The following PTPN4 variants were observed in gnomAD, a reference collection of about 807,000 sequenced individuals.
The protein encoded by PTPN4 is tyrosine-protein phosphatase non-receptor type 4.
PTPN4 carries 49 observed loss-of-function variants against 135.5 expected under a neutral mutation model. That is an observed-to-expected ratio of 0.36 (90% CI 0.29 to 0.46). PTPN4 has a LOEUF of 0.46. PTPN4 is among the 20% of genes least tolerant of loss of function. The probability of loss-of-function intolerance (pLI) is 1.00; values close to 1 mark genes in which losing one functional copy is unlikely to be tolerated. For synonymous variants in PTPN4, 333 were observed against 369.9 expected, an observed-to-expected ratio of 0.90 and a Z score of 1.14; for missense variants, 860 against 1,101.0, an observed-to-expected ratio of 0.78 and a Z score of 3.10.
chr2:119,847,313 CACATAT>C (rs1677517443), intron 2 of PTPN4, among the ~76,000 whole-genome samples: 2 of 109,190 alleles, frequency 1.8e-5, no homozygotes, highest in African/African-American at 7.6e-5. Flanking sequence ...CACACACACA[CACATAT>C]ATATATATAT....
chr2:119,759,969 G>A lies in PTPN4; in HGVS notation c.-433G>A, dbSNP rs1472825366. 5.3e-6 allele frequency: 2 copies of A among 374,916 alleles called. No homozygotes were observed. Among genetic ancestry groups the A allele is most frequent in the Non-Finnish European group, 9.5e-6 (2 of 211,470 alleles). 23.2% of individuals were successfully genotyped at this position (374,916 alleles called of 1,614,324 possible). A position where few individuals can be genotyped will look rare whatever the true frequency, so the allele number is the denominator to read the frequency against. The stretch of plus-strand genomic sequence containing the variant: ...CGCGCAGTGCGCTTTTCCGCTCCTC[G>A]CGCCCCACCACCAACATTGTTCTCT... On this transcript the variant is annotated 5_prime_UTR_variant, in exon 1 of 27. Coordinates refer to ENST00000263708, the MANE Select transcript of PTPN4 (RefSeq NM_002830.4).
At chr2:119,848,519 C>T (rs943239636) in intron 2 of PTPN4, among the ~76,000 whole-genome samples, 3 of 151,992 alleles carry the variant, frequency 2.0e-5, no homozygotes, top group African/African-American at 7.2e-5. Context: ...CTTCTCTCCT[C>T]TCCTTCTGGT....
chr2:119,939,157 T>C lies in PTPN4; in HGVS notation c.1355+4199T>C, dbSNP rs553748199. ...TGGGATATATTCCAACAACTTTTAA[T>C]ATATTATCAACAGTTTGTCTGGATA... On this transcript the variant is annotated intron_variant, in intron 15 of 26. Coordinates refer to ENST00000263708, the MANE Select transcript of PTPN4 (RefSeq NM_002830.4). 1.2e-4 allele frequency among the ~76,000 whole-genome samples: 19 copies of C among 152,362 alleles called. No homozygotes were observed. The East Asian group carries it at 3.7e-3, about 29-fold the overall frequency.
chr2:119,908,518 T>C (rs1374465898), intron 10 of PTPN4, among the ~76,000 whole-genome samples: 2 of 152,178 alleles, frequency 1.3e-5, no homozygotes, highest in Non-Finnish European at 2.9e-5. Flanking sequence ...ATAAGACAGC[T>C]AACTTAAGTG....
At chr2:119,825,189 T>C (rs1250929603) in intron 2 of PTPN4, among the ~76,000 whole-genome samples, 1 of 152,220 alleles carries the variant, frequency 6.6e-6, no homozygotes, top group African/African-American at 2.4e-5. Flanking sequence ...TTTAATAGTT[T>C]TGAATAATAT....
chr2:119,831,693 G>C (rs1269461117), intron 2 of PTPN4, among the ~76,000 whole-genome samples: 1 of 152,050 alleles, frequency 6.6e-6, no homozygotes, highest in African/African-American at 2.4e-5. Flanking sequence ...ATTAATGTTT[G>C]CATGGTGAAT....
chr2:119,883,762 A>G (rs1368706364), intron 8 of PTPN4, among the ~76,000 whole-genome samples: 2 of 152,228 alleles, frequency 1.3e-5, no homozygotes, highest in African/African-American at 2.4e-5. Context: ...GAGTTACTGT[A>G]GGTCTTAAAT....
At chr2:119,921,415 T>C (rs894600296) in intron 12 of PTPN4, among the ~76,000 whole-genome samples, 2 of 152,228 alleles carry the variant, frequency 1.3e-5, no homozygotes, top group South Asian at 4.1e-4. Flanking sequence ...TAAACATGTA[T>C]AATTGCCTAA....
In PTPN4 at chr2:119,779,865, C is replaced by G. The variant is rs574251340; in HGVS notation, c.-18+19481C>G. Among the ~76,000 whole-genome samples, 7 of 152,220 alleles carry G rather than the reference C, an allele frequency of 4.6e-5. No homozygotes were observed. In the East Asian group the frequency reaches 1.4e-3, roughly 29 times the overall value. The stretch of plus-strand genomic sequence containing the variant: ...GCTCAAGTGATCCTCCCACCTCAGC[C>G]TTCTGGGTAGTTGGGACCACAGTCA... On this transcript the variant is annotated intron_variant, in intron 1 of 26. Coordinates refer to ENST00000263708, the MANE Select transcript of PTPN4 (RefSeq NM_002830.4).
At chr2:119,911,295 A>G (rs1426771172) in intron 10 of PTPN4, among the ~76,000 whole-genome samples, 35 of 152,188 alleles carry the variant, frequency 2.3e-4, no homozygotes, top group Admixed American at 2.1e-3. Context: ...AAAAATGACA[A>G]TTCATCATGT....
chr2:119,949,083 G>T (rs1345445557), intron 18 of PTPN4, among the ~76,000 whole-genome samples: 1 of 152,116 alleles, frequency 6.6e-6, no homozygotes, highest in Non-Finnish European at 1.5e-5. Context: ...CAAGGATTCA[G>T]AGAATATTCT....
intron 1 of PTPN4, among the ~76,000 whole-genome samples, chr2:119,789,091 C>CTTTTTTT (rs547900319): frequency 7.0e-6 from 1 of 142,674 alleles, no homozygotes. Flanking sequence ...TTTCTTTTTT[C>CTTTTTTT]TTTTTTTTTT....
chr2:119,807,126 G>A (rs1558731919), intron 1 of PTPN4, among the ~76,000 whole-genome samples: 1 of 152,110 alleles, frequency 6.6e-6, no homozygotes, highest in Non-Finnish European at 1.5e-5. Context: ...GAGAAAGCAG[G>A]AAAGATCTAA....
At chr2:119,962,535 TAA>T in intron 23 of PTPN4, 79 bp from the exon 24 acceptor site, 1 of 869,948 alleles carries the variant, frequency 1.1e-6, no homozygotes, top group Non-Finnish European at 1.5e-6. Flanking sequence ...TGAAATTTAT[TAA>T]AAAAACATTT....
At chr2:119,812,562 G>A (rs1676907988) in intron 2 of PTPN4, among the ~76,000 whole-genome samples, 1 of 152,186 alleles carries the variant, frequency 6.6e-6, no homozygotes, top group Non-Finnish European at 1.5e-5. Flanking sequence ...TTTCTCTGCT[G>A]TGGACATAGG....
In PTPN4 at chr2:119,873,169, G is replaced by GT. The variant is rs113550051; in HGVS notation, c.247-4142dup. On this transcript the variant is annotated intron_variant, in intron 3 of 26. Transcript: ENST00000263708. Reference sequence around the variant, plus strand: ...ACCACATCTGGCTAATTTTTTCTGGGTTTTTTTTTTTTGTTGTTGTTGTTG... The same window carrying GT: ...ACCACATCTGGCTAATTTTTTCTGGGTTTTTTTTTTTTTGTTGTTGTTGTTG... Among the ~76,000 whole-genome samples the GT allele has an allele frequency of 1.6e-3, 233 of 145,030 alleles. 1 individual carries two copies. The highest frequency in any genetic ancestry group is 4.4e-3 in the East Asian group (22 of 5,002).
At chr2:119,929,345 C>A (rs1558766939) in intron 13 of PTPN4, among the ~76,000 whole-genome samples, 1 of 151,014 alleles carries the variant, frequency 6.6e-6, no homozygotes, top group Non-Finnish European at 1.5e-5. Context: ...ACCTAGAGTT[C>A]TTTTTTTTTC....
At chr2:119,964,211 G>T (rs937349946) in intron 24 of PTPN4, among the ~76,000 whole-genome samples, 1 of 152,162 alleles carries the variant, frequency 6.6e-6, no homozygotes, top group Non-Finnish European at 1.5e-5. Context: ...TGATTTACAG[G>T]TCCTCTCATG....
intron 1 of PTPN4, among the ~76,000 whole-genome samples, chr2:119,765,856 T>C (rs1690604762): frequency 3.9e-5 from 6 of 152,098 alleles, no homozygotes; most frequent in Admixed American, 3.9e-4. Flanking sequence ...TAAGTTGTCT[T>C]GTTGGATATG....
Sources: gnomAD v4.1 joint callset for allele counts (sites outside exome capture counted in the v4.1 genomes callset) on GRCh38, gnomAD v4.1.1 for gene constraint, MANE v1.5 for transcripts, NCBI Gene and HGNC (gene_info 2026-07-23, HGNC 2026-07-21) for gene names.